The following TMEM132B variants were observed in gnomAD, a reference collection of about 807,000 sequenced individuals.
TMEM132B encodes the protein transmembrane protein 132B.
TMEM132B carries 18 observed loss-of-function variants against 90.8 expected under a neutral mutation model. That is an observed-to-expected ratio of 0.20 (90% CI 0.14 to 0.29). The LOEUF is 0.29. Among genes scored for constraint, TMEM132B ranks in the 10% least tolerant of loss-of-function variants. The pLI is 1.00. For missense variants in TMEM132B, 1,096 were observed against 1,326.8 expected, an observed-to-expected ratio of 0.83 and a Z score of 2.70; for synonymous variants, 504 against 523.3, an observed-to-expected ratio of 0.96 and a Z score of 0.50.
chr12:125,565,570 T>C (rs917307861), intron 4 of TMEM132B, among the ~76,000 whole-genome samples: 7 of 152,152 alleles, frequency 4.6e-5, no homozygotes, highest in Non-Finnish European at 8.8e-5. Flanking sequence ...GAGGGTTTTA[T>C]TGAGTGGTGA....
At chr12:125,303,714 T>C (rs917020790) in intron 1 of TMEM132B, among the ~76,000 whole-genome samples, 62 of 152,216 alleles carry the variant, frequency 4.1e-4, no homozygotes, top group African/African-American at 1.4e-3. Flanking sequence ...GTGGCTTTGA[T>C]TTGCATTTCC....
At chr12:125,582,341 G>A (rs991999151) in intron 4 of TMEM132B, among the ~76,000 whole-genome samples, 2 of 150,816 alleles carry the variant, frequency 1.3e-5, no homozygotes, top group African/African-American at 2.4e-5. Flanking sequence ...ACTCTATTAA[G>A]CCTTCACAAT....
In TMEM132B at chr12:125,517,327, A is replaced by AT. The variant is rs56147854; in HGVS notation, c.1107-2074dup. ...AGGCGCCCGCCACCATGCCCTGCTGATTTTTTTTTTTTTTTTTTTTTTTTT... is the reference window on the plus strand; with the variant it reads ...AGGCGCCCGCCACCATGCCCTGCTGATTTTTTTTTTTTTTTTTTTTTTTTTT... On this transcript the variant is annotated intron_variant, in intron 3 of 8. Transcript: ENST00000682704. Among the ~76,000 whole-genome samples the AT allele has an allele frequency of 2.1e-4, 6 of 28,480 alleles. 1 individual carries two copies. The highest frequency in any genetic ancestry group is 4.4e-4 in the Non-Finnish European group (6 of 13,686). 18.7% of individuals were successfully genotyped at this position (28,480 alleles called of 152,430 possible).
chr12:125,384,462 T>C (rs181320401), intron 2 of TMEM132B, among the ~76,000 whole-genome samples: 3 of 152,380 alleles, frequency 2.0e-5, no homozygotes, highest in Non-Finnish European at 4.4e-5. Context: ...GATGTTTTGC[T>C]ATATGTTTAA....
chr12:125,348,321 CTTTAT>C (rs945508420), intron 1 of TMEM132B, among the ~76,000 whole-genome samples: 7 of 151,934 alleles, frequency 4.6e-5, no homozygotes, highest in African/African-American at 1.7e-4. Context: ...GTTCTATGTG[CTTTAT>C]TTTATTTTGT....
At chr12:125,405,751 T>C (rs1879454246) in intron 2 of TMEM132B, among the ~76,000 whole-genome samples, 1 of 152,194 alleles carries the variant, frequency 6.6e-6, no homozygotes, top group African/African-American at 2.4e-5. Context: ...TGAGACCTAC[T>C]CATAGTGCTG....
chr12:125,540,987 T>C (rs1883940017), intron 4 of TMEM132B, among the ~76,000 whole-genome samples: 1 of 152,250 alleles, frequency 6.6e-6, no homozygotes, highest in African/African-American at 2.4e-5. Context: ...ATACATGGTC[T>C]TGCTTTAGGG....
At chr12:125,601,700 TTAGA>T (rs1885575207) in intron 5 of TMEM132B, among the ~76,000 whole-genome samples, 1 of 151,368 alleles carries the variant, frequency 6.6e-6, no homozygotes, top group Non-Finnish European at 1.5e-5. Context: ...AAAAATTAAA[TTAGA>T]TAGACCACTA....
chr12:125,493,028 C>G (rs911433856), intron 3 of TMEM132B, among the ~76,000 whole-genome samples: 3 of 152,166 alleles, frequency 2.0e-5, no homozygotes, highest in African/African-American at 7.2e-5. Context: ...AGTTCCACCC[C>G]TGCAGGTGGC....
At chr12:125,324,313 C>T (rs1876502730) in intron 1 of TMEM132B, among the ~76,000 whole-genome samples, 1 of 152,158 alleles carries the variant, frequency 6.6e-6, no homozygotes, top group Admixed American at 6.5e-5. Flanking sequence ...ACAAGGTGGT[C>T]TGCACCAGAA....
At chr12:125,255,357 G>A (rs1013328600) in intron 1 of TMEM132B, among the ~76,000 whole-genome samples, 5 of 152,004 alleles carry the variant, frequency 3.3e-5, no homozygotes, top group African/African-American at 9.7e-5. Flanking sequence ...GGGGGTGGGG[G>A]TTGTAGAGCC....
At chr12:125,228,750 T>C (rs1873742336) in intron 1 of TMEM132B, among the ~76,000 whole-genome samples, 1 of 152,072 alleles carries the variant, frequency 6.6e-6, no homozygotes, top group African/African-American at 2.4e-5. Flanking sequence ...ACATTTTGTT[T>C]AGGAGGTGAT....
chr12:125,627,528 CA>C (rs1319838439), intron 5 of TMEM132B, among the ~76,000 whole-genome samples: 1 of 148,146 alleles, frequency 6.8e-6, no homozygotes, highest in Non-Finnish European at 1.5e-5. Flanking sequence ...GGTTTTTTAA[CA>C]TTTTTTTAAT....
At position 125,295,515 on chromosome 12, in the gene TMEM132B, TGA is replaced by T. The variant is rs1555237218; in HGVS notation, c.68-53910_68-53909del. Among the ~76,000 whole-genome samples the T allele has an allele frequency of 9.8e-3, 1,391 of 141,936 alleles. 19 individuals are homozygous for T. The highest frequency in any genetic ancestry group is 0.033 in the African/African-American group (1,239 of 37,072). 93.1% of individuals were successfully genotyped at this position (141,936 alleles called of 152,430 possible). ...TCCATGAAACCTGTGTGTGTGTGTGTGAGAGAGAGAGAGAGAGAGAGAGAGAG... is the reference window on the plus strand; with the variant it reads ...TCCATGAAACCTGTGTGTGTGTGTGTGAGAGAGAGAGAGAGAGAGAGAGAG... On this transcript the variant is annotated intron_variant, in intron 1 of 8. Coordinates refer to ENST00000682704, the MANE Select transcript of TMEM132B (RefSeq NM_001366854.1).
chr12:125,529,754 T>C (rs925833446), intron 4 of TMEM132B, among the ~76,000 whole-genome samples: 1 of 152,246 alleles, frequency 6.6e-6, no homozygotes, highest in African/African-American at 2.4e-5. Flanking sequence ...GTCTTGTCTT[T>C]CGTCTTTTGT....
intron 2 of TMEM132B, among the ~76,000 whole-genome samples, chr12:125,389,378 A>G (rs1325770560): frequency 3.5e-5 from 4 of 112,746 alleles, no homozygotes; most frequent in Non-Finnish European, 6.6e-5. Context: ...CTTCCTTTTC[A>G]TCCTTTCCTT....
chr12:125,270,112 TTGTGTGTGTGTGTGTG>T (rs59168219), intron 1 of TMEM132B, among the ~76,000 whole-genome samples: 4 of 143,248 alleles, frequency 2.8e-5, no homozygotes, highest in East Asian at 4.2e-4. Flanking sequence ...CACATCTTTG[TTGTGTGTGTGTGTGTG>T]TGTGTGTGTG....
At chr12:125,381,649 GTGCT>G (rs1287630433) in intron 2 of TMEM132B, among the ~76,000 whole-genome samples, 2 of 152,202 alleles carry the variant, frequency 1.3e-5, no homozygotes, top group Non-Finnish European at 2.9e-5. Flanking sequence ...CAGCAGAGCA[GTGCT>G]TCACATGTGT....
At chr12:125,442,898 C>T (rs1880913933) in intron 3 of TMEM132B, among the ~76,000 whole-genome samples, 1 of 152,164 alleles carries the variant, frequency 6.6e-6, no homozygotes, top group African/African-American at 2.4e-5. Context: ...GTCAGGGTTG[C>T]CCCTGGTCGC....
Sources: allele counts gnomAD v4.1 joint callset (sites outside exome capture counted in the v4.1 genomes callset), GRCh38; gene constraint gnomAD v4.1.1; transcripts MANE v1.5; gene names NCBI Gene and HGNC (gene_info 2026-07-23, HGNC 2026-07-21).